ABLIM1: variants seen among roughly 807,000 people sequenced by gnomAD.
ABLIM1 encodes actin-binding LIM protein 1.
ABLIM1 carries 40 observed loss-of-function variants against 107.0 expected under a neutral mutation model. The ratio of observed to expected loss-of-function variants is 0.37; its 90% CI spans 0.29 to 0.49. ABLIM1 has a LOEUF of 0.49. Among genes scored for constraint, ABLIM1 ranks in the 20% least tolerant of loss-of-function variants. ABLIM1 has a pLI of 0.97. For missense variants in ABLIM1, 857 were observed against 1,008.5 expected, an observed-to-expected ratio of 0.85 and a Z score of 2.04; for synonymous variants, 357 against 357.3, an observed-to-expected ratio of 1.00 and a Z score of 0.01.
intron 1 of ABLIM1, among the ~76,000 whole-genome samples, chr10:114,721,399 C>T (rs2081843675): frequency 1.3e-5 from 2 of 152,144 alleles, no homozygotes; most frequent in Admixed American, 6.5e-5. Context: ...GGTGATCGCT[C>T]CCTGCTGTTC....
At chr10:114,560,472 C>T (rs2483554) in intron 4 of ABLIM1, among the ~76,000 whole-genome samples, 56,634 of 152,102 alleles carry the variant, frequency 0.37, 13,876 homozygotes, top group African/African-American at 0.7. Context: ...ATACCTTACC[C>T]TTTCTATGTA....
At chr10:114,721,189 A>G (rs929055809) in intron 1 of ABLIM1, among the ~76,000 whole-genome samples, 8 of 152,132 alleles carry the variant, frequency 5.3e-5, no homozygotes, top group Non-Finnish European at 1.2e-4. Context: ...TTTTTTTTCC[A>G]AACACGTTAC....
chr10:114,483,876 C>G (rs2057768823), intron 8 of ABLIM1, among the ~76,000 whole-genome samples: 1 of 152,140 alleles, frequency 6.6e-6, no homozygotes. Flanking sequence ...GTTTAACAGG[C>G]CAAGGTTTCC....
chr10:114,544,009 G>A (rs1189827985), intron 6 of ABLIM1, among the ~76,000 whole-genome samples: 1 of 152,186 alleles, frequency 6.6e-6, no homozygotes, highest in Non-Finnish European at 1.5e-5. Flanking sequence ...GGCTACACTG[G>A]GCCTTTGCTG....
chr10:114,706,535 C>G (rs2081425145), intron 1 of ABLIM1, among the ~76,000 whole-genome samples: 1 of 152,198 alleles, frequency 6.6e-6, no homozygotes, highest in African/African-American at 2.4e-5. Context: ...CTATAAATCC[C>G]AGCACCAAAT....
rs545246696 is a variant in ABLIM1, at chr10:114,439,305, G to A, written c.2068-55C>T. The A allele has an allele frequency of 1.9e-6, 3 of 1,594,674 alleles. No individual in the cohort carries two copies. In the African/African-American group the frequency reaches 4.0e-5, roughly 21 times the overall value. On this transcript the variant is annotated intron_variant, in intron 20 of 22. Transcript: ENST00000533213. The stretch of plus-strand genomic sequence containing the variant: ...GCATGAAATAGTCTAGGAAACTGAA[G>A]GGAGTACTCTTGGGCTCCCAATTCC...
chr10:114,465,806 G>A lies in ABLIM1; in HGVS notation c.1333C>T (p.Arg445Trp), dbSNP rs768481591. 5.0e-6 allele frequency: 8 copies of A among 1,613,938 alleles called. No individual in the cohort carries two copies. Among genetic ancestry groups the A allele is most frequent in the Admixed American group, 3.3e-5 (2 of 59,992 alleles). Residue 445 changes from arginine to tryptophan, a missense_variant, in exon 12 of 23, where the codon CGG (arginine) becomes TGG (tryptophan). Transcript: ENST00000533213. ...TGGCTCGTGGACCGATGGATCATCC[G>A]ATCCCGAACATCCTGGTACCCCTGG... ...SAEGYQDVRD[R>W]MIHRSTSQGS...
intron 6 of ABLIM1, among the ~76,000 whole-genome samples, chr10:114,529,680 C>G (rs1053825973): frequency 6.6e-6 from 1 of 152,176 alleles, no homozygotes; most frequent in African/African-American, 2.4e-5. Flanking sequence ...CATTGGCATG[C>G]CTCCTGTGCA....
chr10:114,619,298 G>GCCC lies in ABLIM1; in HGVS notation c.245-17338_245-17337insGGG, dbSNP rs756796263. 1.3e-5 allele frequency among the ~76,000 whole-genome samples: 2 copies of GCCC among 151,308 alleles called. No individual in the cohort carries two copies. Among genetic ancestry groups the GCCC allele is most frequent in the Non-Finnish European group, 2.9e-5 (2 of 67,924 alleles). The stretch of plus-strand genomic sequence containing the variant: ...TGCAACGTCCACCTCCCAGGTTCAA[G>GCCC]CAATTCTCCTGCCTCAGCCTCCCGA... On this transcript the variant is annotated intron_variant, in intron 1 of 22. Coordinates refer to ENST00000533213, the MANE Select transcript of ABLIM1 (RefSeq NM_002313.7). The surrounding 1 kb of genome is among the most constrained non-coding windows in gnomAD (Gnocchi z 4.1).
chr10:114,511,100 C>T (rs1363170453), intron 6 of ABLIM1, among the ~76,000 whole-genome samples: 3 of 151,966 alleles, frequency 2.0e-5, no homozygotes, highest in Non-Finnish European at 4.4e-5. Context: ...TAGGGGTTGT[C>T]TTTTTATAAT....
At chr10:114,519,942 C>T (rs368493931) in intron 6 of ABLIM1, among the ~76,000 whole-genome samples, 30 of 152,244 alleles carry the variant, frequency 2.0e-4, no homozygotes, top group Non-Finnish European at 3.2e-4. Flanking sequence ...AAAGCTTTGA[C>T]GGACCAGTCT....
rs1385580330 is a variant in ABLIM1 at position 114,508,692 on chromosome 10, G to A, written c.895-16814C>T. Among the ~76,000 whole-genome samples, 3 of 152,266 alleles carry A rather than the reference G, an allele frequency of 2.0e-5. 1 individual carries two copies. Among genetic ancestry groups the A allele is most frequent in the East Asian group, 3.9e-4 (2 of 5,184 alleles). On this transcript the variant is annotated intron_variant, in intron 6 of 22. Coordinates refer to ENST00000533213, the MANE Select transcript of ABLIM1 (RefSeq NM_002313.7). ...CAACAAAGTGAGACCTTGACTTTAC[G>A]TTCCCACAAAAATATTTTTAAAAAT... is the stretch of plus-strand genomic sequence containing the variant.
intron 4 of ABLIM1, among the ~76,000 whole-genome samples, chr10:114,557,056 A>G (rs887335892): frequency 6.6e-6 from 1 of 152,244 alleles, no homozygotes; most frequent in East Asian, 1.9e-4. Context: ...TGGGTGGGGA[A>G]GTCAAAACAT....
rs976299359 is a variant in ABLIM1, at chr10:114,707,297, G to A, written c.-213+60764C>T. On this transcript the variant is annotated intron_variant, in intron 1 of 15. Transcript: ENST00000651092. The surrounding 1 kb of genome is among the most constrained non-coding windows in gnomAD (Gnocchi z 4.1). Reference sequence around the variant, plus strand: ...ACCCAAGATGGAGTGCAGTGGTGCAGTCTCAGCTCACTGCAATCTCTGCCT... The same window carrying A: ...ACCCAAGATGGAGTGCAGTGGTGCAATCTCAGCTCACTGCAATCTCTGCCT... 6.6e-5 allele frequency among the ~76,000 whole-genome samples: 10 copies of A among 152,046 alleles called. No homozygotes were observed. The highest frequency in any genetic ancestry group is 1.0e-4 in the Non-Finnish European group (7 of 68,016).
chr10:114,553,052 A>G (rs1399323976), intron 4 of ABLIM1, among the ~76,000 whole-genome samples: 1 of 152,090 alleles, frequency 6.6e-6, no homozygotes, highest in African/African-American at 2.4e-5. Context: ...AGCTTCTCTC[A>G]GCCTGGGCAC....
chr10:114,748,610 G>A (rs1326417762), intron 1 of ABLIM1, among the ~76,000 whole-genome samples: 1 of 146,772 alleles, frequency 6.8e-6, no homozygotes, highest in Non-Finnish European at 1.5e-5. Context: ...ACATCCCAGA[G>A]CATAACACAA....
At chr10:114,761,573 C>T (rs756782757) in intron 1 of ABLIM1, among the ~76,000 whole-genome samples, 20 of 152,142 alleles carry the variant, frequency 1.3e-4, no homozygotes, top group Non-Finnish European at 2.6e-4. Context: ...TCCCTTTCTG[C>T]CCTGTTTCTT....
chr10:114,460,304 T>C (rs533215515), intron 12 of ABLIM1, among the ~76,000 whole-genome samples: 108 of 152,174 alleles, frequency 7.1e-4, no homozygotes, highest in African/African-American at 2.6e-3. Context: ...AATGATGGCA[T>C]CAAAAATGAT....
At chr10:114,708,070 C>T (rs938687375) in intron 1 of ABLIM1, among the ~76,000 whole-genome samples, 3 of 152,120 alleles carry the variant, frequency 2.0e-5, no homozygotes, top group Non-Finnish European at 2.9e-5. Flanking sequence ...TGCAACTCAA[C>T]GGTCTTGATG....
Sources: allele counts gnomAD v4.1 joint callset (sites outside exome capture counted in the v4.1 genomes callset), GRCh38; gene constraint gnomAD v4.1.1; non-coding constraint Gnocchi (gnomAD v3.1); transcripts MANE v1.5; gene names NCBI Gene and HGNC (gene_info 2026-07-23, HGNC 2026-07-21).